UNC80: variants seen among roughly 807,000 people sequenced by gnomAD.
The protein encoded by UNC80 is protein unc-80 homolog.
In UNC80, 164 loss-of-function variants were observed where a neutral mutation model predicts 384.6. The ratio of observed to expected loss-of-function variants is 0.43; its 90% CI spans 0.38 to 0.49. The LOEUF (loss-of-function observed/expected upper bound fraction) is 0.49. Among genes scored for constraint, UNC80 ranks in the 20% least tolerant of loss-of-function variants. The probability of loss-of-function intolerance (pLI) is 0.00; values close to 1 mark genes in which losing one functional copy is unlikely to be tolerated. For synonymous variants in UNC80, 1,486 were observed against 1,527.8 expected, an observed-to-expected ratio of 0.97 and a Z score of 0.64; for missense variants, 3,330 against 4,143.0, an observed-to-expected ratio of 0.80 and a Z score of 5.39.
Position 209,933,872 on chromosome 2 carries a change from T to A in UNC80, c.6045T>A (p.Asp2015Glu). The stretch of plus-strand genomic sequence containing the variant: ...GGACCCCCTGCGAGTGGGGGATGGA[T>A]GCCATTTCAGCCACCCTGACATTCC... ...FVRTPCEWGM[D>E]AISATLTFLW... Residue 2015 changes from aspartate (D) to glutamate (E), a missense_variant, in exon 39 of 65, where the codon GAT becomes GAA. Asp to Glu is a conservative substitution (Grantham distance 45). Transcript: ENST00000673920. The A allele has an allele frequency of 6.4e-7, 1 of 1,551,390 alleles. No homozygotes were observed. Among genetic ancestry groups the A allele is most frequent in the South Asian group, 1.2e-5 (1 of 84,050 alleles).
At chr2:209,958,225 C>T (rs1290706345) in intron 49 of UNC80, among the ~76,000 whole-genome samples, 1 of 152,136 alleles carries the variant, frequency 6.6e-6, no homozygotes, top group African/African-American at 2.4e-5. Flanking sequence ...TGGTGTAACT[C>T]AGATACTGGC....
intron 44 of UNC80, among the ~76,000 whole-genome samples, chr2:209,942,865 C>CAT (rs1204732676): frequency 6.8e-6 from 1 of 147,506 alleles, no homozygotes; most frequent in African/African-American, 2.7e-5. Context: ...TACACACACA[C>CAT]ACACACACAC....
intron 7 of UNC80, among the ~76,000 whole-genome samples, chr2:209,812,986 T>C (rs2079475091): frequency 6.6e-6 from 1 of 152,234 alleles, no homozygotes; most frequent in African/African-American, 2.4e-5. Flanking sequence ...AAACTTATTT[T>C]ATTTATTTTC....
In UNC80 at chr2:209,941,414, C is replaced by T; in HGVS notation, c.6840C>T (p.Val2280=). ...SALLRQYAAT[V]INTAVHFNHL... Reference sequence around the variant, plus strand: ...TGCTCAGGCAGTATGCTGCCACCGTCATCAACACCGCGGTGCACTTCAACC... The same window carrying T: ...TGCTCAGGCAGTATGCTGCCACCGTTATCAACACCGCGGTGCACTTCAACC... The change falls in exon 44 of 65, where the codon GTC becomes GTT. Residue 2280 remains valine (V), a synonymous_variant. Coordinates refer to ENST00000673920, the MANE Select transcript of UNC80 (RefSeq NM_001371986.1). 6.5e-7 allele frequency: 1 copy of T among 1,548,406 alleles called. No homozygotes were observed.
intron 44 of UNC80, among the ~76,000 whole-genome samples, chr2:209,942,855 TACACACACACAC>T (rs10584249): frequency 1.4e-5 from 2 of 145,788 alleles, no homozygotes; most frequent in East Asian, 2.0e-4. Context: ...CACTCTTTCC[TACACACACACAC>T]ACACACACAC....
chr2:209,821,922 A>G (rs1276077227), intron 13 of UNC80, among the ~76,000 whole-genome samples: 2 of 152,190 alleles, frequency 1.3e-5, no homozygotes, highest in African/African-American at 4.8e-5. Context: ...ATCTAGATAT[A>G]TATTGTATAA....
chr2:209,936,192 C>G (rs1378712940), intron 40 of UNC80, among the ~76,000 whole-genome samples: 1 of 152,138 alleles, frequency 6.6e-6, no homozygotes, highest in Admixed American at 6.6e-5. Flanking sequence ...CCAACTTCAA[C>G]AAATACTCCA....
At chr2:209,882,329 G>A (rs2085374360) in intron 25 of UNC80, among the ~76,000 whole-genome samples, 1 of 152,148 alleles carries the variant, frequency 6.6e-6, no homozygotes, top group Admixed American at 6.5e-5. Flanking sequence ...AGGCCAGGCG[G>A]TGTGGGGAGA....
intron 6 of UNC80, among the ~76,000 whole-genome samples, chr2:209,790,479 A>G (rs1205186314): frequency 3.9e-5 from 6 of 152,156 alleles, no homozygotes; most frequent in South Asian, 2.1e-4. Flanking sequence ...CACATTTAAC[A>G]TCTTTGAAAT....
chr2:209,898,336 A>G (rs1330755495), intron 28 of UNC80, among the ~76,000 whole-genome samples: 14 of 152,136 alleles, frequency 9.2e-5, no homozygotes. Flanking sequence ...CTTTGCTAAC[A>G]TGAATTTAAA....
chr2:209,803,924 A>G (rs1453827554), intron 7 of UNC80, among the ~76,000 whole-genome samples: 2 of 151,932 alleles, frequency 1.3e-5, no homozygotes, highest in African/African-American at 2.4e-5. Flanking sequence ...TTTTGTAGAG[A>G]CGTGGTCTTG....
Position 209,849,545 on chromosome 2 carries a change from A to G in UNC80, c.3549A>G (p.Lys1183=). ...VNLGAIRQGM[K]RFQFLLNCCE... is the part of the protein sequence containing the mutation. ...TTGGAGCAATCCGACAAGGCATGAAACGCTTCCAATTTCTGTTAAACTGCT... is the reference window on the plus strand; with the variant it reads ...TTGGAGCAATCCGACAAGGCATGAAGCGCTTCCAATTTCTGTTAAACTGCT... The change falls in exon 22 of 65, where the codon AAA becomes AAG. Residue 1183 remains lysine (K), a synonymous_variant. Transcript: ENST00000673920. The G allele has an allele frequency of 6.4e-7, 1 of 1,550,958 alleles. No homozygotes were observed. The highest frequency in any genetic ancestry group is 8.7e-7 in the Non-Finnish European group (1 of 1,146,536).
At position 209,993,436 on chromosome 2, in the gene UNC80, C is replaced by T. The variant is rs1330113286; in HGVS notation, c.9508+10C>T. 6.5e-6 allele frequency: 10 copies of T among 1,549,620 alleles called. No homozygotes were observed. Among genetic ancestry groups the T allele is most frequent in the Non-Finnish European group, 8.7e-6 (10 of 1,145,210 alleles). ...AAAACGAAGCCGTCTGGTGAGGCCT[C>T]CTGTGTCCCTTCTGACTATACCATT... On this transcript the variant is annotated intron_variant, in intron 63 of 64. Transcript: ENST00000673920.
intron 44 of UNC80, 140 bp downstream of exon 44, chr2:209,941,629 TC>T: frequency 9.6e-7 from 1 of 1,038,696 alleles, no homozygotes. Flanking sequence ...ACAAATGAAA[TC>T]CCCCCATAAA....
chr2:209,986,312 G>A (rs974774722), intron 61 of UNC80, among the ~76,000 whole-genome samples: 5 of 152,194 alleles, frequency 3.3e-5, no homozygotes, highest in African/African-American at 4.8e-5. Flanking sequence ...AGCTAGCTTT[G>A]TGCTGGGGCT....
At chr2:209,958,784 G>A (rs1278848142) in intron 49 of UNC80, among the ~76,000 whole-genome samples, 1 of 152,122 alleles carries the variant, frequency 6.6e-6, no homozygotes, top group Non-Finnish European at 1.5e-5. Flanking sequence ...TTAAGACAGA[G>A]CACATGGTAT....
intron 7 of UNC80, among the ~76,000 whole-genome samples, chr2:209,807,510 G>A (rs542012832): frequency 4.1e-4 from 63 of 151,814 alleles, no homozygotes; most frequent in African/African-American, 1.3e-3. Context: ...GACTATAGGC[G>A]CCCACCACCA....
chr2:209,964,735 C>T (rs1371126347), intron 51 of UNC80, among the ~76,000 whole-genome samples: 1 of 147,436 alleles, frequency 6.8e-6, no homozygotes, highest in Non-Finnish European at 1.5e-5. Flanking sequence ...TGCAGTGAGC[C>T]GAGATCGCAC....
intron 19 of UNC80, 107 bp from the exon 20 acceptor site, chr2:209,840,435 A>C (rs1000433175): frequency 1.1e-6 from 1 of 909,874 alleles, no homozygotes; most frequent in African/African-American, 1.7e-5. Context: ...TTCTATTTAT[A>C]CCAAGCCATG....
Sources: allele counts gnomAD v4.1 joint callset (sites outside exome capture counted in the v4.1 genomes callset), GRCh38; gene constraint gnomAD v4.1.1; transcripts MANE v1.5; gene names NCBI Gene and HGNC (gene_info 2026-07-23, HGNC 2026-07-21).